NAGS: variants seen among roughly 807,000 people sequenced by gnomAD.
The protein encoded by NAGS is N-acetylglutamate synthase, mitochondrial.
A neutral mutation model predicts 46.9 loss-of-function variants in NAGS; 34 were observed. The ratio of observed to expected loss-of-function variants is 0.72; its 90% confidence interval spans 0.55 to 0.97. The LOEUF (loss-of-function observed/expected upper bound fraction) is 0.97, where lower values mean the gene tolerates loss of function less well. Ranked by LOEUF, NAGS falls within the 50% of genes least tolerant of loss-of-function variation. The pLI, the probability that NAGS is intolerant of heterozygous loss-of-function variation, is 0.00. For synonymous variants in NAGS, 334 were observed against 346.3 expected, an observed-to-expected ratio of 0.96 and a Z score of 0.39; for missense variants, 665 against 747.0, an observed-to-expected ratio of 0.89 and a Z score of 1.28.
At position 44,007,401 on chromosome 17, in the gene NAGS, T is replaced by C. The variant is rs1168032842; in HGVS notation, c.1175T>C (p.Val392Ala). The C allele has an allele frequency of 7.4e-6, 12 of 1,613,588 alleles. No homozygotes were observed. The highest frequency in any genetic ancestry group is 2.7e-5 in the African/African-American group (2 of 74,910). Residue 392 changes from valine to alanine, a missense_variant, in exon 5 of 7, where the codon GTG becomes GCG. Physicochemically the swap from Val to Ala is moderately conservative, Grantham distance 64 (BLOSUM62 0). Coordinates refer to ENST00000293404, the MANE Select transcript of NAGS (RefSeq NM_153006.3). This position sits in a 1 kb window ranked among gnomAD's most constrained non-coding sequence, Gnocchi z 5.1. Reference protein sequence around the residue: ...SLDKLDQGRLVDLVNASFGKK... With the variant: ...SLDKLDQGRLADLVNASFGKK... ...GACAAGCTGGACCAGGGCCGTCTAG[T>C]GGACCTGGTCAACGCCAGCTTCGGC... is the stretch of plus-strand genomic sequence containing the variant.
Position 44,006,580 on chromosome 17 carries a change from G to C in NAGS, c.967G>C (p.Glu323Gln). The change falls in exon 4 of 7, where the codon GAG (glutamate) becomes CAG (glutamine). Residue 323 changes from glutamate to glutamine, a missense_variant. Coordinates refer to ENST00000293404, the MANE Select transcript of NAGS (RefSeq NM_153006.3). This position sits in a 1 kb window ranked among gnomAD's most constrained non-coding sequence, Gnocchi z 4.8. Reference sequence around the variant, plus strand: ...CGACCTGGACCTGGTGTGCAACGCCGAGTGGGTGAGCACAAAAGAACGGCA... The same window carrying C: ...CGACCTGGACCTGGTGTGCAACGCCCAGTGGGTGAGCACAAAAGAACGGCA... ...PADLDLVCNA[E>Q]WVSTKERQQM... The C allele has an allele frequency of 1.3e-6, 2 of 1,587,562 alleles. No individual in the cohort carries two copies. The highest frequency in any genetic ancestry group is 1.1e-5 in the South Asian group (1 of 87,954).
At position 44,007,947 on chromosome 17, in the gene NAGS, T is replaced by C. The variant is rs2049117843; in HGVS notation, c.1451+174T>C. 6.6e-6 allele frequency among the ~76,000 whole-genome samples: 1 copy of C among 151,992 alleles called. No homozygotes were observed. Among genetic ancestry groups the C allele is most frequent in the South Asian group, 2.1e-4 (1 of 4,828 alleles). On this transcript the variant is annotated intron_variant, in intron 6 of 6. Coordinates refer to ENST00000293404, the MANE Select transcript of NAGS (RefSeq NM_153006.3). The surrounding 1 kb of genome is among the most constrained non-coding windows in gnomAD (Gnocchi z 5.1). ...GAGATTTCCCGAGTTAAAGCATGCT[T>C]AACACTCCTTTTCTGGCAGCAAGTG...
Position 44,007,783 on chromosome 17 carries a change from G to A in NAGS, c.1451+10G>A, listed in dbSNP as rs1344734291. On this transcript the variant is annotated intron_variant, in intron 6 of 6. Coordinates refer to ENST00000293404, the MANE Select transcript of NAGS (RefSeq NM_153006.3). This position sits in a 1 kb window ranked among gnomAD's most constrained non-coding sequence, Gnocchi z 5.1. The stretch of plus-strand genomic sequence containing the variant: ...ACCCCATCAATCCCTGGTAGGTCCT[G>A]CCACTCCCAGCTCTGGGCTGGGCCC... 1.9e-6 allele frequency: 3 copies of A among 1,571,094 alleles called. No individual in the cohort carries two copies. Among genetic ancestry groups the A allele is most frequent in the East Asian group, 4.8e-5 (2 of 42,014 alleles).
At position 44,006,848 on chromosome 17, in the gene NAGS, C is replaced by T. The variant is rs1015483752; in HGVS notation, c.1096+139C>T. The stretch of plus-strand genomic sequence containing the variant: ...GGCGGGGGGTGTCACAGCAATGGCT[C>T]CTGCTGCTGCCGAAACCCGGGGGAG... On this transcript the variant is annotated intron_variant, in intron 4 of 6. Transcript: ENST00000293404. This position sits in a 1 kb window ranked among gnomAD's most constrained non-coding sequence, Gnocchi z 4.8. 12 of 881,566 alleles carry T rather than the reference C, an allele frequency of 1.4e-5. No individual in the cohort carries two copies. Among genetic ancestry groups the T allele is most frequent in the Non-Finnish European group, 2.0e-5 (12 of 592,570 alleles). 54.6% of individuals were successfully genotyped at this position (881,566 alleles called of 1,614,324 possible). A position where few individuals can be genotyped will look rare whatever the true frequency, so the allele number is the denominator to read the frequency against.
chr17:44,005,764 G>A lies in NAGS; in HGVS notation c.554G>A (p.Gly185Asp), dbSNP rs867286472. 5.0e-6 allele frequency: 8 copies of A among 1,590,876 alleles called. No homozygotes were observed. In the Admixed American group the frequency reaches 5.4e-5, roughly 11 times the overall value. The change falls in exon 2 of 7, where the codon GGC becomes GAC. Residue 185 changes from glycine to aspartate, a missense_variant. Coordinates refer to ENST00000293404, the MANE Select transcript of NAGS (RefSeq NM_153006.3). The surrounding 1 kb of genome is among the most constrained non-coding windows in gnomAD (Gnocchi z 7.2). ...CTGCCGGCCCCTACGGCTCCCTCGGGCTGTCTTTCCTTCTGGGAGGCCAAG... is the reference window on the plus strand; with the variant it reads ...CTGCCGGCCCCTACGGCTCCCTCGGACTGTCTTTCCTTCTGGGAGGCCAAG... ...LGLPAPTAPSGCLSFWEAKAQ... is the reference protein window; with the variant it reads ...LGLPAPTAPSDCLSFWEAKAQ...
At position 44,007,881 on chromosome 17, in the gene NAGS, C is replaced by T; in HGVS notation, c.1451+108C>T. 1 of 1,136,340 alleles carries T rather than the reference C, an allele frequency of 8.8e-7. No homozygotes were observed. Among genetic ancestry groups the T allele is most frequent in the Non-Finnish European group, 1.3e-6 (1 of 772,454 alleles). 70.4% of individuals were successfully genotyped at this position (1,136,340 alleles called of 1,614,324 possible). ...GGGCTTCCTCTTCTTCCACTGGTCTCCCTTTCACTACCTCCCAGGGGCAGA... is the reference window on the plus strand; with the variant it reads ...GGGCTTCCTCTTCTTCCACTGGTCTTCCTTTCACTACCTCCCAGGGGCAGA... On this transcript the variant is annotated intron_variant, in intron 6 of 6. Coordinates refer to ENST00000293404, the MANE Select transcript of NAGS (RefSeq NM_153006.3). This position sits in a 1 kb window ranked among gnomAD's most constrained non-coding sequence, Gnocchi z 5.1.
chr17:44,006,318 C>T lies in NAGS; in HGVS notation c.915+81C>T. ...CCCCTCGCACTTCTCCCCGACGGGC[C>T]GCAGACTCACTAGCAAGCCGGGTGG... On this transcript the variant is annotated intron_variant, in intron 3 of 6. Coordinates refer to ENST00000293404, the MANE Select transcript of NAGS (RefSeq NM_153006.3). This position sits in a 1 kb window ranked among gnomAD's most constrained non-coding sequence, Gnocchi z 4.8. 6.5e-7 allele frequency: 1 copy of T among 1,536,862 alleles called. No homozygotes were observed. The highest frequency in any genetic ancestry group is 8.9e-7 in the Non-Finnish European group (1 of 1,128,978).
chr17:44,006,878 G>A lies in NAGS; in HGVS notation c.1096+169G>A. Reference sequence around the variant, plus strand: ...TGCTGCCGAAACCCGGGGGAGGTGAGAGAGGAGGAGACCCAGTGTACTGGA... The same window carrying A: ...TGCTGCCGAAACCCGGGGGAGGTGAAAGAGGAGGAGACCCAGTGTACTGGA... On this transcript the variant is annotated intron_variant, in intron 4 of 6. Transcript: ENST00000293404. The surrounding 1 kb of genome is among the most constrained non-coding windows in gnomAD (Gnocchi z 4.8). 1.5e-6 allele frequency: 1 copy of A among 655,566 alleles called. No individual in the cohort carries two copies. Among genetic ancestry groups the A allele is most frequent in the Admixed American group, 3.0e-5 (1 of 33,576 alleles). The allele number at this position is 655,566 out of a possible 1,614,324, so 40.6% of individuals were successfully genotyped here.
chr17:44,006,798 C>T lies in NAGS; in HGVS notation c.1096+89C>T. The stretch of plus-strand genomic sequence containing the variant: ...CTGCGGTCAGGAGGAGCGGCTTCTC[C>T]TCCTGTCCAGGAGCCGTAGGGGGAG... On this transcript the variant is annotated intron_variant, in intron 4 of 6. Coordinates refer to ENST00000293404, the MANE Select transcript of NAGS (RefSeq NM_153006.3). This position sits in a 1 kb window ranked among gnomAD's most constrained non-coding sequence, Gnocchi z 4.8. The T allele has an allele frequency of 7.1e-7, 1 of 1,399,266 alleles. No homozygotes were observed. The highest frequency in any genetic ancestry group is 2.4e-5 in the East Asian group (1 of 42,230). The allele number at this position is 1,399,266 out of a possible 1,614,324, so 86.7% of individuals were successfully genotyped here.
chr17:44,005,629 C>T lies in NAGS; in HGVS notation c.427-8C>T, dbSNP rs2049075798. On this transcript the variant is annotated splice_polypyrimidine_tract_variant and splice_region_variant and intron_variant, in intron 1 of 6. Coordinates refer to ENST00000293404, the MANE Select transcript of NAGS (RefSeq NM_153006.3). This position sits in a 1 kb window ranked among gnomAD's most constrained non-coding sequence, Gnocchi z 7.2. ...TGTCACGCTCCTTGAAAGCCCACTC[C>T]TCCGCAGGTGGACGAGGAGGTGCTC... 6.2e-7 allele frequency: 1 copy of T among 1,610,428 alleles called. No individual in the cohort carries two copies. Among genetic ancestry groups the T allele is most frequent in the Non-Finnish European group, 8.5e-7 (1 of 1,178,788 alleles).
chr17:44,005,501 G>T lies in NAGS; in HGVS notation c.427-136G>T. ...CCCAACGGGGCAAAGGGCGGAGCAG[G>T]TGGGCACTGGTGGCCAGAACTGGGT... On this transcript the variant is annotated intron_variant, in intron 1 of 6. Transcript: ENST00000293404. This position sits in a 1 kb window ranked among gnomAD's most constrained non-coding sequence, Gnocchi z 7.2. 1 of 1,213,636 alleles carries T rather than the reference G, an allele frequency of 8.2e-7. No individual in the cohort carries two copies. Among genetic ancestry groups the T allele is most frequent in the South Asian group, 1.3e-5 (1 of 74,490 alleles). 75.2% of individuals were successfully genotyped at this position (1,213,636 alleles called of 1,614,324 possible).
chr17:44,005,789 G>T lies in NAGS; in HGVS notation c.579G>T (p.Lys193Asn). The T allele has an allele frequency of 1.3e-6, 2 of 1,588,264 alleles. No individual in the cohort carries two copies. The highest frequency in any genetic ancestry group is 1.3e-5 in the African/African-American group (1 of 74,754). ...GCTGTCTTTCCTTCTGGGAGGCCAA[G>T]GCGCAGCTGGCCAAGAGCTGCAAGG... ...PSGCLSFWEA[K>N]AQLAKSCKVL... is the part of the protein sequence containing the mutation. Residue 193 changes from lysine to asparagine, a missense_variant, in exon 2 of 7, where the codon AAG becomes AAT. By Grantham distance (94) the Lys-to-Asn change is moderately conservative (BLOSUM62 0). Coordinates refer to ENST00000293404, the MANE Select transcript of NAGS (RefSeq NM_153006.3). The surrounding 1 kb of genome is among the most constrained non-coding windows in gnomAD (Gnocchi z 7.2).
rs770464627 is a variant in NAGS, at chr17:44,005,712, G to A, written c.502G>A (p.Asp168Asn). The change falls in exon 2 of 7, where the codon GAC becomes AAC. Residue 168 changes from aspartate (D) to asparagine (N), a missense_variant. Asp to Asn is a conservative substitution (Grantham distance 23). Coordinates refer to ENST00000293404, the MANE Select transcript of NAGS (RefSeq NM_153006.3). This position sits in a 1 kb window ranked among gnomAD's most constrained non-coding sequence, Gnocchi z 7.2. Reference protein sequence around the residue: ...AFALAFLQRMDMKPLVVLGLP... With the variant: ...AFALAFLQRMNMKPLVVLGLP... Reference sequence around the variant, plus strand: ...TGCCCTGGCCTTCTTGCAGCGCATGGACATGAAGCCGCTGGTGGTCCTGGG... The same window carrying A: ...TGCCCTGGCCTTCTTGCAGCGCATGAACATGAAGCCGCTGGTGGTCCTGGG... The A allele has an allele frequency of 4.3e-5, 69 of 1,599,832 alleles. No homozygotes were observed. The highest frequency in any genetic ancestry group is 5.6e-5 in the Non-Finnish European group (66 of 1,173,660).
chr17:44,007,638 C>T lies in NAGS; in HGVS notation c.1316C>T (p.Thr439Ile). The change falls in exon 6 of 7, where the codon ACC becomes ATC. Residue 439 changes from threonine to isoleucine, a missense_variant. Transcript: ENST00000293404. This position sits in a 1 kb window ranked among gnomAD's most constrained non-coding sequence, Gnocchi z 5.1. ...ACCATGGAGCCCGTCCTGGGGGGCA[C>T]CCCGTACCTGGACAAATTTGTGGTG... ...ILTMEPVLGGTPYLDKFVVSS... is the reference protein window; with the variant it reads ...ILTMEPVLGGIPYLDKFVVSS... 1 of 1,603,590 alleles carries T rather than the reference C, an allele frequency of 6.2e-7. No individual in the cohort carries two copies. The highest frequency in any genetic ancestry group is 1.1e-5 in the South Asian group (1 of 89,636).
chr17:44,005,329 AGGCCC>A lies in NAGS; in HGVS notation c.426+241_426+245del, dbSNP rs780213139. 6.6e-6 allele frequency among the ~76,000 whole-genome samples: 1 copy of A among 152,194 alleles called. No homozygotes were observed. The highest frequency in any genetic ancestry group is 1.5e-5 in the Non-Finnish European group (1 of 68,030). ...CCCGCCAGGTGTGATGCTCTGAAGA[AGGCCC>A]CCAACATGGGCGCAGTTAGGGGTTC... On this transcript the variant is annotated intron_variant, in intron 1 of 6. Coordinates refer to ENST00000293404, the MANE Select transcript of NAGS (RefSeq NM_153006.3). The surrounding 1 kb of genome is among the most constrained non-coding windows in gnomAD (Gnocchi z 7.2).
chr17:44,005,746 C>A lies in NAGS; in HGVS notation c.536C>A (p.Ala179Asp). The A allele has an allele frequency of 6.3e-7, 1 of 1,591,924 alleles. No homozygotes were observed. Residue 179 changes from alanine to aspartate, a missense_variant, in exon 2 of 7, where the codon GCC becomes GAC. By Grantham distance (126) the Ala-to-Asp change is moderately radical. Coordinates refer to ENST00000293404, the MANE Select transcript of NAGS (RefSeq NM_153006.3). The surrounding 1 kb of genome is among the most constrained non-coding windows in gnomAD (Gnocchi z 7.2). ...MKPLVVLGLPAPTAPSGCLSF... is the reference protein window; with the variant it reads ...MKPLVVLGLPDPTAPSGCLSF... ...CCGCTGGTGGTCCTGGGGCTGCCGGCCCCTACGGCTCCCTCGGGCTGTCTT... is the reference window on the plus strand; with the variant it reads ...CCGCTGGTGGTCCTGGGGCTGCCGGACCCTACGGCTCCCTCGGGCTGTCTT...
In NAGS at chr17:44,007,236, C is replaced by A; in HGVS notation, c.1097-87C>A. 2 of 1,299,280 alleles carry A rather than the reference C, an allele frequency of 1.5e-6. No homozygotes were observed. The highest frequency in any genetic ancestry group is 2.1e-6 in the Non-Finnish European group (2 of 930,946). The allele number at this position is 1,299,280 out of a possible 1,614,324, so 80.5% of individuals were successfully genotyped here. ...GAGGTCTCCCAAAGACGGAAATTGTCCCACCAGCGCCTGTCCTACCTGCAG... is the reference window on the plus strand; with the variant it reads ...GAGGTCTCCCAAAGACGGAAATTGTACCACCAGCGCCTGTCCTACCTGCAG... On this transcript the variant is annotated intron_variant, in intron 4 of 6. Transcript: ENST00000293404. This position sits in a 1 kb window ranked among gnomAD's most constrained non-coding sequence, Gnocchi z 5.1.
rs762610887 is a variant in NAGS, at chr17:44,006,616, C to T, written c.1003C>T (p.Leu335Phe). Residue 335 changes from leucine (L) to phenylalanine (F), a missense_variant, in exon 4 of 7, where the codon CTC becomes TTC. Leu to Phe is a conservative substitution (Grantham distance 22). Transcript: ENST00000293404. This position sits in a 1 kb window ranked among gnomAD's most constrained non-coding sequence, Gnocchi z 4.8. ...CACAAAAGAACGGCAGCAGATGCGGCTCATCGTGGACGTGCTCAGCCGCCT... is the reference window on the plus strand; with the variant it reads ...CACAAAAGAACGGCAGCAGATGCGGTTCATCGTGGACGTGCTCAGCCGCCT... ...VSTKERQQMR[L>F]IVDVLSRLPH... 6.2e-7 allele frequency: 1 copy of T among 1,606,954 alleles called. No homozygotes were observed. The highest frequency in any genetic ancestry group is 8.5e-7 in the Non-Finnish European group (1 of 1,177,332).
At position 44,005,616 on chromosome 17, in the gene NAGS, T is replaced by C. The variant is rs372170435; in HGVS notation, c.427-21T>C. On this transcript the variant is annotated intron_variant, in intron 1 of 6. Coordinates refer to ENST00000293404, the MANE Select transcript of NAGS (RefSeq NM_153006.3). This position sits in a 1 kb window ranked among gnomAD's most constrained non-coding sequence, Gnocchi z 7.2. Reference sequence around the variant, plus strand: ...CGGCTCAGGTCCGTGTCACGCTCCTTGAAAGCCCACTCCTCCGCAGGTGGA... The same window carrying C: ...CGGCTCAGGTCCGTGTCACGCTCCTCGAAAGCCCACTCCTCCGCAGGTGGA... The C allele has an allele frequency of 3.8e-5, 61 of 1,608,010 alleles. No individual in the cohort carries two copies. The African/African-American group carries it at 7.8e-4, about 20-fold the overall frequency.
Sources: gnomAD v4.1 joint callset for allele counts (sites outside exome capture counted in the v4.1 genomes callset) on GRCh38, gnomAD v4.1.1 for gene constraint, Gnocchi (gnomAD v3.1) non-coding constraint, MANE v1.5 for transcripts, NCBI Gene and HGNC (gene_info 2026-07-23, HGNC 2026-07-21) for gene names.